SRC: variants seen among roughly 807,000 people sequenced by gnomAD.
SRC encodes the protein SRC proto-oncogene, non-receptor tyrosine kinase, also known as proto-oncogene tyrosine-protein kinase Src.
In SRC, 13 loss-of-function variants were observed where a neutral mutation model predicts 62.9. The ratio of observed to expected loss-of-function variants is 0.21; its 90% confidence interval spans 0.13 to 0.33. SRC has a LOEUF of 0.33. Among genes scored for constraint, SRC ranks in the 10% least tolerant of loss-of-function variants. SRC has a pLI of 1.00. For synonymous variants in SRC, 302 were observed against 317.5 expected, an observed-to-expected ratio of 0.95 and a Z score of 0.52; for missense variants, 457 against 737.3, an observed-to-expected ratio of 0.62 and a Z score of 4.40.
intron 1 of SRC, among the ~76,000 whole-genome samples, chr20:37,361,441 G>A (rs1408649635): frequency 6.6e-6 from 1 of 152,212 alleles, no homozygotes; most frequent in Non-Finnish European, 1.5e-5. Context: ...AACGGGGCCA[G>A]GGGGTGGGTT....
chr20:37,394,151 A>G (rs1352533983), intron 6 of SRC, 23 bp from the exon 7 acceptor site: 1 of 1,606,080 alleles, frequency 6.2e-7, no homozygotes, highest in Middle Eastern at 1.6e-4. Flanking sequence ...AGTCAGCACC[A>G]TCCTCCGTCC....
Position 37,396,277 on chromosome 20 carries a change from C to G in SRC, c.669C>G (p.Phe223Leu), listed in dbSNP as rs761890358. 3.1e-6 allele frequency: 5 copies of G among 1,613,696 alleles called. No individual in the cohort carries two copies. The South Asian group carries it at 4.4e-5, about 14-fold the overall frequency. Residue 223 changes from phenylalanine (F) to leucine (L), a missense_variant, in exon 8 of 14, where the codon TTC becomes TTG. Phe to Leu is a conservative substitution (Grantham distance 22). Transcript: ENST00000373578. This position sits in a 1 kb window ranked among gnomAD's most constrained non-coding sequence, Gnocchi z 6.1. The part of the protein sequence containing the change: ...GGFYITSRTQ[F>L]NSLQQLVAYY... ...TCTACATCACCTCCCGCACCCAGTT[C>G]AACAGCCTGCAGCAGCTGGTGGCCT...
intron 1 of SRC, among the ~76,000 whole-genome samples, chr20:37,363,825 C>T (rs2070017355): frequency 6.6e-6 from 1 of 152,184 alleles, no homozygotes; most frequent in South Asian, 2.1e-4. Context: ...GATTGTCACT[C>T]GGCTGCTAAG....
chr20:37,383,966 T>TCTCA (rs2070404578), intron 3 of SRC, among the ~76,000 whole-genome samples, 184 bp from the exon 4 acceptor site: 2 of 151,456 alleles, frequency 1.3e-5, no homozygotes, highest in African/African-American at 4.9e-5. Context: ...AAACTCCTGA[T>TCTCA]CTCAAGTGAT....
rs996435638 is a variant in SRC, at chr20:37,404,159, C to T, written c.*780C>T. 2.6e-5 allele frequency: 6 copies of T among 233,594 alleles called. No homozygotes were observed. Among genetic ancestry groups the T allele is most frequent in the Admixed American group, 5.6e-5 (1 of 17,784 alleles). 14.5% of individuals were successfully genotyped at this position (233,594 alleles called of 1,614,324 possible). On this transcript the variant is annotated 3_prime_UTR_variant, in exon 14 of 14. Coordinates refer to ENST00000373578, the MANE Select transcript of SRC (RefSeq NM_198291.3). ...CTGTCATCCTCAGGAACCAACAATT[C>T]GTCGGAGGCATCATGGAAAGACTGG... is the stretch of plus-strand genomic sequence containing the variant.
chr20:37,400,340 G>A lies in SRC; in HGVS notation c.1039+46G>A, dbSNP rs992147879. 3 of 1,517,820 alleles carry A rather than the reference G, an allele frequency of 2.0e-6. No individual in the cohort carries two copies. In the African/African-American group the frequency reaches 4.2e-5, roughly 21 times the overall value. The allele number at this position is 1,517,820 out of a possible 1,614,324, so 94.0% of individuals were successfully genotyped here. ...GCAGGGGGCAGGGGCACTCCGGACA[G>A]GGCAGGGAGCATGAGCCTCATTTCC... On this transcript the variant is annotated intron_variant, in intron 10 of 13. Coordinates refer to ENST00000373578, the MANE Select transcript of SRC (RefSeq NM_198291.3).
Position 37,400,308 on chromosome 20 carries a change from G to A in SRC, c.1039+14G>A, listed in dbSNP as rs375148262. 8.0e-5 allele frequency: 127 copies of A among 1,596,578 alleles called. No homozygotes were observed. Among genetic ancestry groups the A allele is most frequent in the African/African-American group, 1.6e-4 (12 of 74,502 alleles). On this transcript the variant is annotated intron_variant, in intron 10 of 13. Coordinates refer to ENST00000373578, the MANE Select transcript of SRC (RefSeq NM_198291.3). ...ACATGAGCAAGGGTGAGTCCTGGGC[G>A]GCCGGGGCAGGGGGCAGGGGCACTC... is the stretch of plus-strand genomic sequence containing the variant.
intron 2 of SRC, among the ~76,000 whole-genome samples, chr20:37,370,164 C>T (rs1347369088): frequency 6.6e-6 from 1 of 152,170 alleles, no homozygotes; most frequent in Admixed American, 6.5e-5. Context: ...TCGTTTTTGT[C>T]ATGAAGGAGT....
intron 2 of SRC, among the ~76,000 whole-genome samples, chr20:37,368,518 CTTTT>C (rs1352624429): frequency 1.4e-5 from 1 of 73,916 alleles, no homozygotes; most frequent in Non-Finnish European, 2.7e-5. Flanking sequence ...CCTATATTTT[CTTTT>C]TTTTTTTTTT....
At chr20:37,393,163 C>T (rs1039113152) in intron 5 of SRC, among the ~76,000 whole-genome samples, 1 of 152,224 alleles carries the variant, frequency 6.6e-6, no homozygotes, top group African/African-American at 2.4e-5. Flanking sequence ...GCCACCTCAC[C>T]CCCTCTGACA....
At chr20:37,381,686 C>T (rs3762205) in intron 2 of SRC, among the ~76,000 whole-genome samples, 35,917 of 151,998 alleles carry the variant, frequency 0.24, 6,562 homozygotes, top group African/African-American at 0.51. Flanking sequence ...GGCTAGGGGG[C>T]GGGCTGGTTG....
In SRC at chr20:37,384,089, A is replaced by C; in HGVS notation, c.-4-61A>C. The C allele has an allele frequency of 6.3e-7, 1 of 1,577,882 alleles. No individual in the cohort carries two copies. The highest frequency in any genetic ancestry group is 8.6e-7 in the Non-Finnish European group (1 of 1,168,130). On this transcript the variant is annotated intron_variant, in intron 3 of 13. Transcript: ENST00000373578. The surrounding 1 kb of genome is among the most constrained non-coding windows in gnomAD (Gnocchi z 6.7). The stretch of plus-strand genomic sequence containing the variant: ...CCTATCTGTGGAATGGGTGGGAGGG[A>C]GGCCGGCCAAGGGGCCCCGGCAGCC...
At position 37,402,684 on chromosome 20, in the gene SRC, T is replaced by C. The variant is rs899714205; in HGVS notation, c.1271-65T>C. 2 of 1,574,656 alleles carry C rather than the reference T, an allele frequency of 1.3e-6. No individual in the cohort carries two copies. Among genetic ancestry groups the C allele is most frequent in the African/African-American group, 2.7e-5 (2 of 73,958 alleles). On this transcript the variant is annotated intron_variant, in intron 12 of 13. Transcript: ENST00000373578. The surrounding 1 kb of genome is among the most constrained non-coding windows in gnomAD (Gnocchi z 6.2). Reference sequence around the variant, plus strand: ...TTTCCTCAGCTGTCATTCCTCATGGTGCTTATCTAGCAGAGCGGTCATGAC... The same window carrying C: ...TTTCCTCAGCTGTCATTCCTCATGGCGCTTATCTAGCAGAGCGGTCATGAC...
intron 2 of SRC, among the ~76,000 whole-genome samples, chr20:37,371,949 C>G (rs1313301012): frequency 1.3e-5 from 2 of 152,246 alleles, no homozygotes; most frequent in East Asian, 1.9e-4. Flanking sequence ...ATCCGCCCCC[C>G]CTTGGTCTCC....
chr20:37,352,041 C>T (rs143256074), intron 1 of SRC, among the ~76,000 whole-genome samples: 1 of 152,304 alleles, frequency 6.6e-6, no homozygotes, highest in Non-Finnish European at 1.5e-5. Flanking sequence ...ATGCTTATGC[C>T]ATAAAGGGTA....
rs545481498 is a variant in SRC at position 37,384,566 on chromosome 20, C to G, written c.250+163C>G. On this transcript the variant is annotated intron_variant, in intron 4 of 13. Coordinates refer to ENST00000373578, the MANE Select transcript of SRC (RefSeq NM_198291.3). The surrounding 1 kb of genome is among the most constrained non-coding windows in gnomAD (Gnocchi z 6.7). ...TCCGGGGGGTGGGGGGGCGGCCGTA[C>G]ACACTGTGAAGCGTCCGCGCCGCCG... Among the ~76,000 whole-genome samples the G allele has an allele frequency of 4.2e-4, 63 of 151,668 alleles. No individual in the cohort carries two copies. In the Middle Eastern group the frequency reaches 0.01, roughly 25 times the overall value.
At chr20:37,382,487 G>A (rs1396665619) in intron 2 of SRC, 132 bp from the exon 3 acceptor site, 1 of 152,226 alleles carries the variant, frequency 6.6e-6, no homozygotes, top group East Asian at 1.9e-4. Context: ...AGGTCTAGGA[G>A]GCTCTTAGCA....
intron 10 of SRC, among the ~76,000 whole-genome samples, chr20:37,401,046 G>T (rs775781173): frequency 3.3e-5 from 5 of 152,042 alleles, no homozygotes; most frequent in Non-Finnish European, 5.9e-5. Context: ...GCCCAGGCTG[G>T]AGTGCAGTGG....
At chr20:37,379,019 G>C (rs1272336964) in intron 2 of SRC, among the ~76,000 whole-genome samples, 3 of 152,006 alleles carry the variant, frequency 2.0e-5, no homozygotes, top group Non-Finnish European at 2.9e-5. Context: ...GGATGGGGGT[G>C]GGGGGGAGAT....
Sources: gnomAD v4.1 joint callset for allele counts (sites outside exome capture counted in the v4.1 genomes callset) on GRCh38, gnomAD v4.1.1 for gene constraint, Gnocchi (gnomAD v3.1) non-coding constraint, MANE v1.5 for transcripts, NCBI Gene and HGNC (gene_info 2026-07-23, HGNC 2026-07-21) for gene names.